ABCB11: variants seen among roughly 807,000 people sequenced by gnomAD.
ABCB11 encodes ATP binding cassette subfamily B member 11.
Under a neutral mutation model 148.0 loss-of-function variants are expected in ABCB11, and 95 were observed. The ratio of observed to expected loss-of-function variants is 0.64; its 90% CI spans 0.54 to 0.76. The LOEUF is 0.76. ABCB11 is among the 30% of genes least tolerant of loss of function. The probability of loss-of-function intolerance (pLI) is 0.00; values close to 1 mark genes in which losing one functional copy is unlikely to be tolerated. For synonymous variants in ABCB11, 591 were observed against 555.4 expected (o/e 1.06, Z -0.90); for missense variants, 1,523 against 1,617.8 (o/e 0.94, Z 1.01).
intron 9 of ABCB11, 95 bp from the exon 10 acceptor site, chr2:168,986,379 C>T: frequency 9.2e-7 from 1 of 1,081,156 alleles, no homozygotes; most frequent in Non-Finnish European, 1.4e-6. Flanking sequence ...ACAAAATGAT[C>T]ATAAAATCAT....
At chr2:169,008,139 A>T (rs893115949) in intron 5 of ABCB11, among the ~76,000 whole-genome samples, 4 of 152,198 alleles carry the variant, frequency 2.6e-5, no homozygotes, top group Non-Finnish European at 5.9e-5. Flanking sequence ...GCTCCCTAGG[A>T]TGGCTATTGT....
intron 12 of ABCB11, 85 bp from the exon 13 acceptor site, chr2:168,973,925 T>G: frequency 2.0e-6 from 3 of 1,491,348 alleles, no homozygotes; most frequent in Non-Finnish European, 2.8e-6. Flanking sequence ...ATGCTTTGTG[T>G]TGATACTCGG....
chr2:168,993,268 A>G (rs556632088), intron 8 of ABCB11, among the ~76,000 whole-genome samples: 2 of 152,162 alleles, frequency 1.3e-5, no homozygotes, highest in African/African-American at 4.8e-5. Context: ...GGAGAACAAT[A>G]GGCATATTGG....
intron 1 of ABCB11, among the ~76,000 whole-genome samples, chr2:169,025,248 G>A (rs1211882637): frequency 6.6e-6 from 1 of 152,126 alleles, no homozygotes; most frequent in African/African-American, 2.4e-5. Flanking sequence ...TCTTGCCCAC[G>A]AAATTTGGAG....
exon 3 of ABCB11, among the ~76,000 whole-genome samples, chr2:168,915,563 G>A (rs1690925669): frequency 6.6e-6 from 1 of 152,226 alleles, no homozygotes; most frequent in African/African-American, 2.4e-5. Flanking sequence ...CAAGATGGGT[G>A]AAGGCAGGCA....
chr2:168,976,211 C>T (rs946202067), intron 12 of ABCB11, among the ~76,000 whole-genome samples: 1 of 152,126 alleles, frequency 6.6e-6, no homozygotes, highest in Non-Finnish European at 1.5e-5. Flanking sequence ...TTTCTGCAGT[C>T]TCTGCGAAGG....
intron 19 of ABCB11, among the ~76,000 whole-genome samples, chr2:168,946,088 C>G (rs752725002): frequency 1.6e-4 from 25 of 151,870 alleles, no homozygotes; most frequent in Non-Finnish European, 2.5e-4. Flanking sequence ...AAAGAACATA[C>G]TCCAATGACA....
intron 1 of ABCB11, among the ~76,000 whole-genome samples, chr2:169,030,575 G>A (rs539987757): frequency 2.6e-5 from 4 of 152,198 alleles, no homozygotes; most frequent in African/African-American, 9.6e-5. Context: ...TTTATTCCCA[G>A]TCTGAAGTGT....
chr2:168,986,742 C>T (rs1057396633), intron 9 of ABCB11, among the ~76,000 whole-genome samples: 13 of 152,242 alleles, frequency 8.5e-5, no homozygotes, highest in African/African-American at 2.9e-4. Flanking sequence ...TATAACTCAC[C>T]CATCTGCCCT....
Position 169,029,724 on chromosome 2 carries a change from C to CTTTTTTTTTTTTT in ABCB11, c.-28+1488_-28+1500dup, listed in dbSNP as rs1166356679. Reference sequence around the variant, plus strand: ...GTCTCTAAATGTACAGTTCTTTCCTCTTTTTTTTTTTTTTTTTTTTTTTTT... The same window carrying CTTTTTTTTTTTTT: ...GTCTCTAAATGTACAGTTCTTTCCTCTTTTTTTTTTTTTTTTTTTTTTTTTTTTTTTTTTTTTT... On this transcript the variant is annotated intron_variant, in intron 1 of 27. Transcript: ENST00000650372. Among the ~76,000 whole-genome samples, 57 of 88,296 alleles carry CTTTTTTTTTTTTT rather than the reference C, an allele frequency of 6.5e-4. 7 individuals carry two copies. The highest frequency in any genetic ancestry group is 3.2e-3 in the African/African-American group (55 of 17,426). The allele number at this position is 88,296 out of a possible 152,430, so 57.9% of individuals were successfully genotyped here. A position where few individuals can be genotyped will look rare whatever the true frequency, so the allele number is the denominator to read the frequency against.
intron 25 of ABCB11, among the ~76,000 whole-genome samples, chr2:168,928,610 A>G (rs1022446457): frequency 1.3e-5 from 2 of 152,224 alleles, no homozygotes; most frequent in Non-Finnish European, 2.9e-5. Flanking sequence ...ACCTGTGACC[A>G]GAACATTCAC....
chr2:168,938,023 C>G (rs1273435510), intron 21 of ABCB11, among the ~76,000 whole-genome samples: 15 of 151,852 alleles, frequency 9.9e-5, no homozygotes, highest in Admixed American at 9.8e-4. Context: ...ATTGTAGAAA[C>G]ACATTTTTAT....
intron 13 of ABCB11, among the ~76,000 whole-genome samples, chr2:168,972,668 A>G (rs921968566): frequency 1.3e-5 from 2 of 152,042 alleles, no homozygotes; most frequent in African/African-American, 4.8e-5. Context: ...GAAAAAGGAA[A>G]ACTCTGTTAT....
chr2:168,992,535 G>A (rs954792901), intron 8 of ABCB11, among the ~76,000 whole-genome samples: 4 of 152,064 alleles, frequency 2.6e-5, no homozygotes, highest in Non-Finnish European at 5.9e-5. Flanking sequence ...ATGATATAGT[G>A]GATTGAAAAA....
chr2:168,932,414 G>A lies in ABCB11; in HGVS notation c.3176C>T (p.Pro1059Leu). The change falls in exon 24 of 28, where the codon CCC becomes CTC. Residue 1059 changes from proline (P) to leucine (L), a missense_variant. By Grantham distance (98) the Pro-to-Leu change is moderately conservative. Coordinates refer to ENST00000650372, the MANE Select transcript of ABCB11 (RefSeq NM_003742.4). ...ARFFQLLDRQ[P>L]PISVYNTAGE... ...TGCAGTATTGTATACACTGATTGGG[G>A]GTTGTCGGTCCAGCAGTTGAAAAAA... The A allele has an allele frequency of 6.3e-6, 10 of 1,583,568 alleles. No individual in the cohort carries two copies. Among genetic ancestry groups the A allele is most frequent in the Non-Finnish European group, 6.9e-6 (8 of 1,164,166 alleles).
At chr2:168,956,106 G>A (rs1310560540) in intron 19 of ABCB11, among the ~76,000 whole-genome samples, 1 of 151,686 alleles carries the variant, frequency 6.6e-6, no homozygotes, top group Non-Finnish European at 1.5e-5. Flanking sequence ...AAGGTGAAGG[G>A]GAAGCAAGGC....
chr2:168,965,952 A>C (rs2105950485), intron 17 of ABCB11, among the ~76,000 whole-genome samples: 1 of 151,872 alleles, frequency 6.6e-6, no homozygotes, highest in Non-Finnish European at 1.5e-5. Flanking sequence ...CAGTTTCCTC[A>C]AGCCCTCCCT....
chr2:169,023,184 C>T (rs532990476), intron 1 of ABCB11, among the ~76,000 whole-genome samples: 5 of 152,146 alleles, frequency 3.3e-5, no homozygotes, highest in African/African-American at 1.2e-4. Flanking sequence ...CATGTTAATA[C>T]CCCAGATCCC....
chr2:168,920,869 A>G lies in ABCB11; in HGVS notation c.*2753T>C, dbSNP rs1369005530. 6.6e-6 allele frequency among the ~76,000 whole-genome samples: 1 copy of G among 152,136 alleles called. No homozygotes were observed. The highest frequency in any genetic ancestry group is 6.5e-5 in the Admixed American group (1 of 15,276). On this transcript the variant is annotated 3_prime_UTR_variant, in exon 28 of 28. Transcript: ENST00000650372. ...TCACTGAGCCTCAATTATTTCCCCA[A>G]TTTCAAGCCCTCTTTAGACAATCTT...
Sources: gnomAD v4.1 joint callset for allele counts (sites outside exome capture counted in the v4.1 genomes callset) on GRCh38, gnomAD v4.1.1 for gene constraint, MANE v1.5 for transcripts, NCBI Gene and HGNC (gene_info 2026-07-23, HGNC 2026-07-21) for gene names.